Variants in POLR3B observed in about 807,000 individuals in gnomAD.
POLR3B encodes RNA polymerase III subunit B.
Under a neutral mutation model 147.4 loss-of-function variants are expected in POLR3B, and 96 were observed. The ratio of observed to expected loss-of-function variants is 0.65; its 90% CI spans 0.55 to 0.77. The LOEUF is 0.77. POLR3B is among the 30% of genes least tolerant of loss of function. POLR3B has a pLI of 0.00. For synonymous variants in POLR3B, 461 were observed against 485.9 expected, an observed-to-expected ratio of 0.95 and a Z score of 0.67; for missense variants, 1,036 against 1,413.5, an observed-to-expected ratio of 0.73 and a Z score of 4.28.
At chr12:106,452,355 T>C (rs1054669321) in intron 19 of POLR3B, among the ~76,000 whole-genome samples, 3 of 152,230 alleles carry the variant, frequency 2.0e-5, no homozygotes, top group African/African-American at 7.2e-5. Flanking sequence ...TAAACTATTT[T>C]GCTGTTCATC....
At chr12:106,507,086 A>C (rs2038700410) in intron 27 of POLR3B, among the ~76,000 whole-genome samples, 1 of 152,204 alleles carries the variant, frequency 6.6e-6, no homozygotes, top group South Asian at 2.1e-4. Flanking sequence ...TAAGGGCATA[A>C]GTCACAAAAG....
chr12:106,423,575 G>A (rs1490746833), intron 12 of POLR3B, among the ~76,000 whole-genome samples: 1 of 152,140 alleles, frequency 6.6e-6, no homozygotes, highest in Non-Finnish European at 1.5e-5. Flanking sequence ...GAGTTCTGAT[G>A]TCCAAGGCCA....
At chr12:106,422,119 T>C (rs910046150) in intron 12 of POLR3B, among the ~76,000 whole-genome samples, 1 of 152,216 alleles carries the variant, frequency 6.6e-6, no homozygotes, top group African/African-American at 2.4e-5. Flanking sequence ...CCAAATCTCA[T>C]GTTGACATGT....
intron 12 of POLR3B, among the ~76,000 whole-genome samples, chr12:106,418,284 C>T (rs2037332198): frequency 6.6e-6 from 1 of 152,158 alleles, no homozygotes; most frequent in African/African-American, 2.4e-5. Flanking sequence ...GTTTCTAATG[C>T]AGCTTGCTTT....
At position 106,468,813 on chromosome 12, in the gene POLR3B, G is replaced by A. The variant is rs779382952; in HGVS notation, c.2713+5193G>A. 5.9e-5 allele frequency among the ~76,000 whole-genome samples: 9 copies of A among 152,300 alleles called. No individual in the cohort carries two copies. The South Asian group carries it at 6.2e-4, about 11-fold the overall frequency. ...TGTGCTGTGGTCTGAGAGACAGTTT[G>A]TTGTGATTTCTGTTCTTTTACATTT... is the stretch of plus-strand genomic sequence containing the variant. On this transcript the variant is annotated intron_variant, in intron 23 of 27. Coordinates refer to ENST00000228347, the MANE Select transcript of POLR3B (RefSeq NM_018082.6).
Position 106,444,405 on chromosome 12 carries a change from A to G in POLR3B, c.1956-58A>G, listed in dbSNP as rs1213853593. 7 of 1,581,914 alleles carry G rather than the reference A, an allele frequency of 4.4e-6. No homozygotes were observed. In the Admixed American group the frequency reaches 8.3e-5, roughly 19 times the overall value. On this transcript the variant is annotated intron_variant, in intron 18 of 27. Coordinates refer to ENST00000228347, the MANE Select transcript of POLR3B (RefSeq NM_018082.6). The stretch of plus-strand genomic sequence containing the variant: ...ATAACAATATTTTTGTACCCTTTAA[A>G]AGACATTTATTTTTGTACTTGATGC...
At chr12:106,505,121 A>G (rs2038665547) in intron 27 of POLR3B, among the ~76,000 whole-genome samples, 2 of 152,164 alleles carry the variant, frequency 1.3e-5, no homozygotes, top group Admixed American at 1.3e-4. Flanking sequence ...ACCTTAAAAG[A>G]TGATGCTGGA....
intron 15 of POLR3B, among the ~76,000 whole-genome samples, chr12:106,433,220 T>A (rs938325174): frequency 2.0e-5 from 3 of 152,204 alleles, no homozygotes; most frequent in African/African-American, 7.2e-5. Flanking sequence ...TTGAGTGAGC[T>A]TTTACTCTGC....
chr12:106,436,506 C>T (rs532501998), intron 16 of POLR3B, among the ~76,000 whole-genome samples: 3 of 152,168 alleles, frequency 2.0e-5, no homozygotes, highest in African/African-American at 7.2e-5. Context: ...ATCTTGCTAA[C>T]CTAGCTCAGT....
chr12:106,363,230 C>T (rs928576433), intron 1 of POLR3B, among the ~76,000 whole-genome samples: 6 of 152,198 alleles, frequency 3.9e-5, no homozygotes, highest in African/African-American at 1.4e-4. Flanking sequence ...CCACTCCATT[C>T]CCGAATTCAA....
At chr12:106,427,404 AC>A in intron 13 of POLR3B, 46 bp downstream of exon 13, 1 of 1,522,058 alleles carries the variant, frequency 6.6e-7, no homozygotes, top group Non-Finnish European at 9.1e-7. Flanking sequence ...TTATTTGTAA[AC>A]CTATTCAATA....
intron 9 of POLR3B, among the ~76,000 whole-genome samples, chr12:106,391,521 T>C (rs576984837): frequency 1.3e-5 from 2 of 152,278 alleles, no homozygotes; most frequent in East Asian, 3.9e-4. Flanking sequence ...CCCCCAAATC[T>C]TCAAAACTTT....
chr12:106,428,610 TGCTGCCTTATTTTA>T (rs534321062), intron 13 of POLR3B, among the ~76,000 whole-genome samples: 44 of 152,292 alleles, frequency 2.9e-4, no homozygotes, highest in Non-Finnish European at 4.9e-4. Context: ...TGCCAACAGC[TGCTGCCTTATTTTA>T]GCTGTGTGCT....
chr12:106,412,607 T>A (rs2037243007), intron 12 of POLR3B, among the ~76,000 whole-genome samples: 1 of 152,218 alleles, frequency 6.6e-6, no homozygotes. Context: ...GAATTTCAAG[T>A]AGTTGTTTTA....
chr12:106,416,790 A>G (rs908012840), intron 12 of POLR3B, among the ~76,000 whole-genome samples: 2 of 152,114 alleles, frequency 1.3e-5, no homozygotes, highest in African/African-American at 4.8e-5. Flanking sequence ...AGGGTCCTTG[A>G]TGATCGTGCC....
In POLR3B at chr12:106,376,406, C is replaced by G. The variant is rs145075371; in HGVS notation, c.452C>G (p.Thr151Arg). The G allele has an allele frequency of 2.5e-6, 4 of 1,613,572 alleles. No homozygotes were observed. The highest frequency in any genetic ancestry group is 3.4e-6 in the Non-Finnish European group (4 of 1,179,788). ...RSSNCVLTGK[T>R]PAEFAKLNEC... ...TCAAACTGTGTTCTTACAGGAAAAACGCCAGCAGAATTTGCCAAACTGAAC... is the reference window on the plus strand; with the variant it reads ...TCAAACTGTGTTCTTACAGGAAAAAGGCCAGCAGAATTTGCCAAACTGAAC... Residue 151 changes from threonine to arginine, a missense_variant, in exon 7 of 28, where the codon ACG becomes AGG. Physicochemically the swap from Thr to Arg is moderately conservative, Grantham distance 71. Coordinates refer to ENST00000228347, the MANE Select transcript of POLR3B (RefSeq NM_018082.6).
Position 106,366,680 on chromosome 12 carries a change from A to G in POLR3B, c.185A>G (p.Asn62Ser), listed in dbSNP as rs527953383. 6 of 1,613,920 alleles carry G rather than the reference A, an allele frequency of 3.7e-6. No homozygotes were observed. The highest frequency in any genetic ancestry group is 1.3e-5 in the African/African-American group (1 of 75,060). ...CAGATAAAGAAGATAATGAAAGCCAATGAAAAGGTTACAAGTGACGCTGAC... is the reference window on the plus strand; with the variant it reads ...CAGATAAAGAAGATAATGAAAGCCAGTGAAAAGGTTACAAGTGACGCTGAC... ...NVEIKKIMKA[N>S]EKVTSDADPM... The change falls in exon 4 of 28, where the codon AAT (asparagine) becomes AGT (serine). Residue 62 changes from asparagine (N) to serine (S), a missense_variant. Transcript: ENST00000228347.
At chr12:106,494,689 G>A (rs1311621647) in intron 23 of POLR3B, among the ~76,000 whole-genome samples, 2 of 152,166 alleles carry the variant, frequency 1.3e-5, no homozygotes, top group East Asian at 3.9e-4. Context: ...CTGCTTGATT[G>A]AAATTCTAAC....
intron 23 of POLR3B, among the ~76,000 whole-genome samples, chr12:106,481,781 TTG>T (rs372258128): frequency 6.6e-6 from 1 of 152,246 alleles, no homozygotes; most frequent in Non-Finnish European, 1.5e-5. Context: ...TGTTTATTAT[TTG>T]TGAATATTCA....
Sources: gnomAD v4.1 joint callset for allele counts (sites outside exome capture counted in the v4.1 genomes callset) on GRCh38, gnomAD v4.1.1 for gene constraint, MANE v1.5 for transcripts, NCBI Gene and HGNC (gene_info 2026-07-23, HGNC 2026-07-21) for gene names.